BMPR1A: variants seen among roughly 807,000 people sequenced by gnomAD.
BMPR1A encodes the protein bone morphogenetic protein receptor type-1A.
Under a neutral mutation model 66.0 loss-of-function variants are expected in BMPR1A, and 7 were observed. The ratio of observed to expected loss-of-function variants is 0.11; its 90% CI spans 0.06 to 0.20. BMPR1A has a LOEUF of 0.20. Ranked by LOEUF, BMPR1A falls within the 10% of genes least tolerant of loss-of-function variation. The probability of loss-of-function intolerance (pLI) is 1.00; values close to 1 mark genes in which losing one functional copy is unlikely to be tolerated. For synonymous variants in BMPR1A, 200 were observed against 229.7 expected (o/e 0.87, Z 1.17); for missense variants, 408 against 669.1 (o/e 0.61, Z 4.31).
At chr10:86,894,129 G>A (rs957050865) in intron 5 of BMPR1A, among the ~76,000 whole-genome samples, 6 of 152,226 alleles carry the variant, frequency 3.9e-5, no homozygotes, top group African/African-American at 9.6e-5. Flanking sequence ...GAAAAAAGTA[G>A]AGAATAAATA....
intron 1 of BMPR1A, among the ~76,000 whole-genome samples, chr10:86,817,326 A>G (rs1421442277): frequency 1.3e-5 from 2 of 152,172 alleles, no homozygotes; most frequent in African/African-American, 2.4e-5. Flanking sequence ...AGTACGTCAT[A>G]TAAGTGGCAT....
Position 86,827,088 on chromosome 10 carries a change from A to G in BMPR1A, c.-267-11777A>G, listed in dbSNP as rs12218788. ...AAACTTCTATCTTGAGAAATGTAAC[A>G]GCAATTTTGAACTCCTTCATCCCTC... On this transcript the variant is annotated intron_variant, in intron 1 of 12. Coordinates refer to ENST00000372037, the MANE Select transcript of BMPR1A (RefSeq NM_004329.3). Among the ~76,000 whole-genome samples, 1,499 of 152,278 alleles carry G rather than the reference A, an allele frequency of 9.8e-3. 28 individuals carry two copies. The highest frequency in any genetic ancestry group is 0.079 in the South Asian group (382 of 4,830).
intron 3 of BMPR1A, among the ~76,000 whole-genome samples, chr10:86,879,033 A>T (rs4934278): frequency 0.45 from 68,589 of 151,952 alleles, 17,698 homozygotes; most frequent in East Asian, 0.71. Flanking sequence ...TTATTTTTTT[A>T]AAAAAAAGTT....
chr10:86,896,000 A>G (rs969025603), intron 5 of BMPR1A, among the ~76,000 whole-genome samples: 5 of 152,094 alleles, frequency 3.3e-5, no homozygotes, highest in African/African-American at 1.2e-4. Context: ...CTAGAAATAC[A>G]AAAATTAGCC....
chr10:86,887,346 T>C (rs1278539225), intron 3 of BMPR1A, among the ~76,000 whole-genome samples: 2 of 152,220 alleles, frequency 1.3e-5, no homozygotes, highest in Non-Finnish European at 2.9e-5. Flanking sequence ...ACTACTGTAA[T>C]TGAGTTTTTT....
intron 1 of BMPR1A, among the ~76,000 whole-genome samples, chr10:86,769,797 A>C (rs1485213350): frequency 6.6e-6 from 1 of 152,222 alleles, no homozygotes; most frequent in African/African-American, 2.4e-5. Context: ...GTATCTGATT[A>C]CCTAGGCAGT....
intron 1 of BMPR1A, among the ~76,000 whole-genome samples, chr10:86,774,283 A>G (rs1841311632): frequency 6.6e-6 from 1 of 152,306 alleles, no homozygotes; most frequent in African/African-American, 2.4e-5. Flanking sequence ...TTTATTAAAT[A>G]TACATTAAGG....
chr10:86,809,916 A>C (rs948716029), intron 1 of BMPR1A, among the ~76,000 whole-genome samples: 6 of 151,892 alleles, frequency 4.0e-5, no homozygotes, highest in African/African-American at 1.4e-4. Flanking sequence ...CATTTTTTCA[A>C]GGCTCATCCA....
chr10:86,820,298 C>T (rs115833157), intron 1 of BMPR1A, among the ~76,000 whole-genome samples: 170 of 152,226 alleles, frequency 1.1e-3, no homozygotes, highest in African/African-American at 3.9e-3. Flanking sequence ...TTGCCTTGGC[C>T]TCCCAAAGTG....
chr10:86,909,413 G>A lies in BMPR1A; in HGVS notation c.531-2827G>A, dbSNP rs147228331. Among the ~76,000 whole-genome samples, 339 of 151,930 alleles carry A rather than the reference G, an allele frequency of 2.2e-3. 1 individual carries two copies. Among genetic ancestry groups the A allele is most frequent in the Non-Finnish European group, 3.6e-3 (245 of 67,948 alleles). ...TTCGAGACCAGCGTGGCCAACTAGC[G>A]GAACCTTAACTCTACTAAAAATACA... On this transcript the variant is annotated intron_variant, in intron 7 of 12. Coordinates refer to ENST00000372037, the MANE Select transcript of BMPR1A (RefSeq NM_004329.3).
intron 7 of BMPR1A, among the ~76,000 whole-genome samples, chr10:86,911,154 C>CAAAAAAAAAA (rs35449069): frequency 1.2e-5 from 1 of 82,870 alleles, no homozygotes; most frequent in Admixed American, 1.4e-4. Context: ...GACCCTGTCT[C>CAAAAAAAAAA]AAAAAAAAAA....
intron 1 of BMPR1A, among the ~76,000 whole-genome samples, chr10:86,807,939 G>C (rs2132914047): frequency 6.6e-6 from 1 of 152,180 alleles, no homozygotes. Context: ...GCTAATTTTT[G>C]TATTTTTAGT....
intron 1 of BMPR1A, among the ~76,000 whole-genome samples, chr10:86,794,855 G>GT (rs528451566): frequency 0.078 from 11,255 of 144,478 alleles, 508 homozygotes; most frequent in Non-Finnish European, 0.084. Context: ...TATAGATATA[G>GT]TTTTTTTTTT....
chr10:86,886,239 G>A (rs1843065885), intron 3 of BMPR1A, among the ~76,000 whole-genome samples: 2 of 152,164 alleles, frequency 1.3e-5, no homozygotes, highest in African/African-American at 4.8e-5. Flanking sequence ...AGATCCTGTT[G>A]GGCCCTGGGA....
intron 2 of BMPR1A, among the ~76,000 whole-genome samples, chr10:86,849,645 C>T (rs1217191914): frequency 6.6e-6 from 1 of 152,178 alleles, no homozygotes; most frequent in East Asian, 1.9e-4. Flanking sequence ...TGTCATTAGC[C>T]ACTTGTATTT....
At chr10:86,791,690 T>TTCCTCCCC (rs1564686255) in intron 1 of BMPR1A, among the ~76,000 whole-genome samples, 1 of 87,180 alleles carries the variant, frequency 1.1e-5, no homozygotes, top group African/African-American at 4.8e-5. Flanking sequence ...ACTTCCTTCC[T>TTCCTCCCC]CCCTCCCTCC....
At chr10:86,779,174 A>G (rs937695274) in intron 1 of BMPR1A, among the ~76,000 whole-genome samples, 2 of 152,196 alleles carry the variant, frequency 1.3e-5, no homozygotes, top group Non-Finnish European at 2.9e-5. Flanking sequence ...ACCCATATCT[A>G]GGCTGTTTGA....
intron 5 of BMPR1A, among the ~76,000 whole-genome samples, chr10:86,892,757 G>C (rs924519440): frequency 3.3e-5 from 5 of 151,770 alleles, no homozygotes; most frequent in African/African-American, 1.2e-4. Context: ...TCTCTACTTG[G>C]GAGGCTGAGG....
At chr10:86,917,112 C>T (rs1218519586) in intron 8 of BMPR1A, 22 bp from the exon 9 acceptor site, 1 of 1,613,014 alleles carries the variant, frequency 6.2e-7, no homozygotes, top group African/African-American at 1.3e-5. Flanking sequence ...AGAGCTCAAA[C>T]CTTTTACTTT....
Sources: gnomAD v4.1 joint callset for allele counts (sites outside exome capture counted in the v4.1 genomes callset) on GRCh38, gnomAD v4.1.1 for gene constraint, MANE v1.5 for transcripts, NCBI Gene and HGNC (gene_info 2026-07-23, HGNC 2026-07-21) for gene names.